CHIT1: variants seen among roughly 807,000 people sequenced by gnomAD.
CHIT1 encodes chitinase 1.
In CHIT1, 47 loss-of-function variants were observed where a neutral mutation model predicts 52.0. The observed-to-expected ratio is 0.90, with a 90% CI of 0.71 to 1.15. CHIT1 has a LOEUF of 1.15. Among genes scored for constraint, CHIT1 ranks in the 50% most tolerant of loss-of-function variants. The pLI is 0.00. For missense variants in CHIT1, 569 were observed against 583.0 expected (o/e 0.98, Z 0.25); for synonymous variants, 242 against 228.2 (o/e 1.06, Z -0.54).
intron 6 of CHIT1, among the ~76,000 whole-genome samples, chr1:203,222,699 C>T (rs544086506): frequency 2.0e-5 from 3 of 152,258 alleles, no homozygotes; most frequent in Admixed American, 2.0e-4. Context: ...AATGAAGGTT[C>T]TTCAGAAGGC....
chr1:203,229,679 T>C, upstream of CHIT1: 1 of 1,611,458 alleles, frequency 6.2e-7, no homozygotes, highest in Non-Finnish European at 8.5e-7. Flanking sequence ...AAACCAGCTT[T>C]CCAGGTCCTG....
In CHIT1 at chr1:203,216,400, G is replaced by T. The variant is rs1251069995; in HGVS notation, c.*489C>A. On this transcript the variant is annotated 3_prime_UTR_variant, in exon 11 of 11. Transcript: ENST00000367229. ...CTGCTGCCATCTAGTGGCATTTTGG[G>T]AATAACACGTGCGTGAAGGTCCGCA... 8.8e-6 allele frequency: 4 copies of T among 454,094 alleles called. No individual in the cohort carries two copies. The highest frequency in any genetic ancestry group is 8.0e-5 in the African/African-American group (4 of 50,002). 28.1% of individuals were successfully genotyped at this position (454,094 alleles called of 1,614,324 possible).
Position 203,223,600 on chromosome 1 carries a change from C to T in CHIT1, c.375G>A (p.Arg125=). Reference sequence around the variant, plus strand: ...CGTCAAAGCTGTATTTGCGCAGAAACCTGATGGCCGAGTTGACAAAGGTCT... The same window carrying T: ...CGTCAAAGCTGTATTTGCGCAGAAATCTGATGGCCGAGTTGACAAAGGTCT... ...NRQTFVNSAI[R]FLRKYSFDGL... is the part of the protein sequence containing the mutation. The change falls in exon 5 of 11, where the codon AGG becomes AGA. Residue 125 remains arginine, a synonymous_variant. Coordinates refer to ENST00000367229, the MANE Select transcript of CHIT1 (RefSeq NM_003465.3). The T allele has an allele frequency of 6.2e-7, 1 of 1,614,232 alleles. No individual in the cohort carries two copies. Among genetic ancestry groups the T allele is most frequent in the Non-Finnish European group, 8.5e-7 (1 of 1,180,040 alleles).
Position 203,216,934 on chromosome 1 carries a change from T to G in CHIT1, c.1356A>C (p.Thr452=). The stretch of plus-strand genomic sequence containing the variant: ...TGCAGGAGTTGCTGAACACCAGGCC[T>G]GTCGGGCAGCTTTGCTGGAACAGCC... ...AGRLFQQSCP[T]GLVFSNSCKC... is the part of the protein sequence containing the mutation. The change falls in exon 11 of 11, where the codon ACA becomes ACC. Residue 452 remains threonine (T), a synonymous_variant. Coordinates refer to ENST00000367229, the MANE Select transcript of CHIT1 (RefSeq NM_003465.3). 6.2e-7 allele frequency: 1 copy of G among 1,614,234 alleles called. No homozygotes were observed. The highest frequency in any genetic ancestry group is 8.5e-7 in the Non-Finnish European group (1 of 1,180,032).
chr1:203,216,107 G>T lies in CHIT1; in HGVS notation c.*782C>A, dbSNP rs192633567. 4.4e-6 allele frequency: 2 copies of T among 454,072 alleles called. No individual in the cohort carries two copies. Among genetic ancestry groups the T allele is most frequent in the Non-Finnish European group, 8.8e-6 (2 of 226,732 alleles). 28.1% of individuals were successfully genotyped at this position (454,072 alleles called of 1,614,324 possible). On this transcript the variant is annotated 3_prime_UTR_variant, in exon 11 of 11. Coordinates refer to ENST00000367229, the MANE Select transcript of CHIT1 (RefSeq NM_003465.3). ...TGTTGGGATGACTTTATTTAACCAG[G>T]ACACCGTGTGCATGCTCTCTGGCCC... is the stretch of plus-strand genomic sequence containing the variant.
rs1656519022 is a variant in CHIT1, at chr1:203,216,223, C to T, written c.*666G>A. On this transcript the variant is annotated 3_prime_UTR_variant, in exon 11 of 11. Transcript: ENST00000367229. The stretch of plus-strand genomic sequence containing the variant: ...GTGAGAATAATCATTGTTCCTTCTT[C>T]ATCTGGTGAACGGGGGCAGTAGGTG... 1 of 453,992 alleles carries T rather than the reference C, an allele frequency of 2.2e-6. No homozygotes were observed. Among genetic ancestry groups the T allele is most frequent in the Non-Finnish European group, 4.4e-6 (1 of 226,800 alleles). 28.1% of individuals were successfully genotyped at this position (453,992 alleles called of 1,614,324 possible).
chr1:203,221,980 C>G (rs372212732), intron 7 of CHIT1, among the ~76,000 whole-genome samples: 1 of 152,220 alleles, frequency 6.6e-6, no homozygotes, highest in African/African-American at 2.4e-5. Flanking sequence ...GATTTGCTGC[C>G]TCTACCATCA....
chr1:203,219,731 G>A lies in CHIT1; in HGVS notation c.848C>T (p.Ala283Val). 4.3e-6 allele frequency: 7 copies of A among 1,614,034 alleles called. No homozygotes were observed. Among genetic ancestry groups the A allele is most frequent in the South Asian group, 3.3e-5 (3 of 91,068 alleles). ...TGGAGTGCCAGACCCTGTGGCTGGG[G>A]CCCCCACTCTGGTGTCTGATGAGGA... ...LASSSDTRVG[A>V]PATGSGTPGP... is the part of the protein sequence containing the mutation. Residue 283 changes from alanine to valine, a missense_variant, in exon 8 of 11, where the codon GCC (alanine) becomes GTC (valine). Transcript: ENST00000367229.
At chr1:203,227,900 C>A (rs573816151) in intron 2 of CHIT1, among the ~76,000 whole-genome samples, 2 of 152,194 alleles carry the variant, frequency 1.3e-5, no homozygotes, top group African/African-American at 4.8e-5. Flanking sequence ...AGTCGCAGGA[C>A]AAGTTCTGAG....
intron 2 of CHIT1, 52 bp from the exon 3 acceptor site, chr1:203,225,922 G>A (rs773845802): frequency 1.3e-6 from 2 of 1,589,068 alleles, no homozygotes; most frequent in Admixed American, 1.7e-5. Flanking sequence ...ACCTTCTGGG[G>A]ACTGGTCACC....
At position 203,217,255 on chromosome 1, in the gene CHIT1, G is replaced by A. The variant is rs577477466; in HGVS notation, c.1157-122C>T. 199 of 1,578,824 alleles carry A rather than the reference G, an allele frequency of 1.3e-4. 8 individuals are homozygous for A. The South Asian group carries it at 2.1e-3, about 17-fold the overall frequency. ...CAGCACCACATGCCCTACAGGCTGA[G>A]TACAGCCAGATACCCCAGGCAGAGA... is the stretch of plus-strand genomic sequence containing the variant. On this transcript the variant is annotated intron_variant, in intron 10 of 10. Transcript: ENST00000367229.
At position 203,216,507 on chromosome 1, in the gene CHIT1, T is replaced by C. The variant is rs770275216; in HGVS notation, c.*382A>G. Reference sequence around the variant, plus strand: ...GCCGCGCTCTGGCTGCCATCACCTGTGTACTGGAAACTGCCCACTGGCATA... The same window carrying C: ...GCCGCGCTCTGGCTGCCATCACCTGCGTACTGGAAACTGCCCACTGGCATA... On this transcript the variant is annotated 3_prime_UTR_variant, in exon 11 of 11. Transcript: ENST00000367229. 36 of 460,164 alleles carry C rather than the reference T, an allele frequency of 7.8e-5. No homozygotes were observed. The highest frequency in any genetic ancestry group is 2.0e-4 in the South Asian group (13 of 64,518). The allele number at this position is 460,164 out of a possible 1,614,324, so 28.5% of individuals were successfully genotyped here. A position where few individuals can be genotyped will look rare whatever the true frequency, so the allele number is the denominator to read the frequency against.
intron 2 of CHIT1, among the ~76,000 whole-genome samples, chr1:203,226,739 G>A (rs1478859390): frequency 6.6e-6 from 1 of 152,008 alleles, no homozygotes; most frequent in Non-Finnish European, 1.5e-5. Context: ...TCTATTCCCA[G>A]TGAGGGCTCG....
chr1:203,228,627 C>CT (rs1391823991), intron 1 of CHIT1, 65 bp from the exon 2 acceptor site: 1 of 1,531,880 alleles, frequency 6.5e-7, no homozygotes, highest in Non-Finnish European at 8.9e-7. Context: ...GGCCCCACAG[C>CT]TTACGGAAGC....
chr1:203,220,993 T>C (rs1302431148), intron 7 of CHIT1, among the ~76,000 whole-genome samples: 1 of 152,216 alleles, frequency 6.6e-6, no homozygotes, highest in Non-Finnish European at 1.5e-5. Flanking sequence ...GCTAAATTTC[T>C]TTCTGTGTCT....
chr1:203,229,701 T>C (rs760564754), upstream of CHIT1: 14 of 1,594,156 alleles, frequency 8.8e-6, 1 homozygote, highest in South Asian at 1.2e-4. Context: ...TCTGCTTTTA[T>C]CTGGCCACCC....
intron 3 of CHIT1, 125 bp from the exon 4 acceptor site, chr1:203,225,229 G>C: frequency 2.4e-6 from 2 of 832,896 alleles, no homozygotes; most frequent in Non-Finnish European, 4.0e-6. Flanking sequence ...TGCAGAGACT[G>C]TATTAGGCAT....
At chr1:203,228,471 T>C (rs901998406) in intron 2 of CHIT1, 62 bp downstream of exon 2, 2 of 1,535,050 alleles carry the variant, frequency 1.3e-6, no homozygotes, top group Non-Finnish European at 8.9e-7. Flanking sequence ...AGGGAAGGTG[T>C]TTTGGGACAT....
At chr1:203,217,913 G>A (rs1380013683) in intron 9 of CHIT1, 48 bp from the exon 10 acceptor site, 9 of 1,580,298 alleles carry the variant, frequency 5.7e-6, no homozygotes, top group East Asian at 4.6e-5. Flanking sequence ...AGCCTGACCC[G>A]GCCACCCCAG....
Sources: gnomAD v4.1 joint callset for allele counts (sites outside exome capture counted in the v4.1 genomes callset) on GRCh38, gnomAD v4.1.1 for gene constraint, MANE v1.5 for transcripts, NCBI Gene and HGNC (gene_info 2026-07-23, HGNC 2026-07-21) for gene names.